IL23R: variants seen among roughly 807,000 people sequenced by gnomAD.
The protein encoded by IL23R is interleukin 23 receptor.
A neutral mutation model predicts 56.9 loss-of-function variants in IL23R; 34 were observed. That is an observed-to-expected ratio of 0.60 (90% confidence interval 0.45 to 0.80). The LOEUF is 0.80. IL23R is among the 30% of genes least tolerant of loss of function. The pLI, the probability that IL23R is intolerant of heterozygous loss-of-function variation, is 0.00. For synonymous variants in IL23R, 230 were observed against 249.2 expected, an observed-to-expected ratio of 0.92 and a Z score of 0.73; for missense variants, 635 against 730.0, an observed-to-expected ratio of 0.87 and a Z score of 1.50.
chr1:67,251,970 C>T (rs971044263), intron 9 of IL23R, among the ~76,000 whole-genome samples: 5 of 152,084 alleles, frequency 3.3e-5, no homozygotes, highest in African/African-American at 1.2e-4. Flanking sequence ...CACGTGGTTA[C>T]AAAGTCAAGC....
intron 3 of IL23R, among the ~76,000 whole-genome samples, chr1:67,178,176 G>C (rs1201404755): frequency 2.0e-5 from 3 of 151,954 alleles, no homozygotes; most frequent in African/African-American, 2.4e-5. Context: ...TAGCTTGATG[G>C]GGATGGCATT....
At chr1:67,179,655 T>C (rs10873730) in intron 3 of IL23R, among the ~76,000 whole-genome samples, 1 of 152,222 alleles carries the variant, frequency 6.6e-6, no homozygotes, top group Non-Finnish European at 1.5e-5. Flanking sequence ...TCTTGCCTTC[T>C]GCTAGCTTTT....
chr1:67,201,267 G>C (rs934497853), intron 5 of IL23R, among the ~76,000 whole-genome samples: 1 of 151,936 alleles, frequency 6.6e-6, no homozygotes, highest in East Asian at 1.9e-4. Context: ...AATTAGCCAG[G>C]CATGGTGGCG....
intron 4 of IL23R, among the ~76,000 whole-genome samples, chr1:67,186,713 G>C (rs1647363614): frequency 6.6e-6 from 1 of 152,022 alleles, no homozygotes; most frequent in Non-Finnish European, 1.5e-5. Context: ...CTGCCTCCTG[G>C]GTTCAAGTGA....
chr1:67,190,918 G>C (rs1298574692), intron 4 of IL23R, among the ~76,000 whole-genome samples: 4 of 152,166 alleles, frequency 2.6e-5, no homozygotes, highest in Admixed American at 2.0e-4. Flanking sequence ...TTAATAACCA[G>C]AAAGAGTTCT....
chr1:67,202,764 A>G (rs1558241272), intron 5 of IL23R, among the ~76,000 whole-genome samples: 3 of 152,052 alleles, frequency 2.0e-5, no homozygotes, highest in African/African-American at 7.3e-5. Context: ...TTTTAGAGAC[A>G]GAGTCTCATT....
chr1:67,200,476 T>C (rs1021283280), intron 4 of IL23R, among the ~76,000 whole-genome samples: 1 of 151,490 alleles, frequency 6.6e-6, no homozygotes, highest in African/African-American at 2.4e-5. Flanking sequence ...CACTGCAGGC[T>C]CTGCCTCCCG....
At chr1:67,241,584 G>A (rs1025138282) in intron 9 of IL23R, among the ~76,000 whole-genome samples, 4 of 152,134 alleles carry the variant, frequency 2.6e-5, no homozygotes, top group African/African-American at 9.7e-5. Context: ...CCATCATTTT[G>A]GGTTTCTGTT....
intron 6 of IL23R, 53 bp downstream of exon 6, chr1:67,207,108 A>G (rs1456193129): frequency 1.3e-5 from 21 of 1,558,780 alleles, no homozygotes; most frequent in Admixed American, 6.7e-5. Context: ...TTTAAAAGCC[A>G]ACCATCAGTG....
chr1:67,234,128 G>A lies in IL23R; in HGVS notation c.956-2585G>A, dbSNP rs790637. Among the ~76,000 whole-genome samples, 1,074 of 151,806 alleles carry A rather than the reference G, an allele frequency of 7.1e-3. 15 individuals carry two copies. The highest frequency in any genetic ancestry group is 0.025 in the African/African-American group (1,039 of 41,346). ...AAAATTTTTCTGTACTTTAATTATC[G>A]CTTTTACAGTCAAAGATGTTAAGTA... On this transcript the variant is annotated intron_variant, in intron 7 of 10. Coordinates refer to ENST00000347310, the MANE Select transcript of IL23R (RefSeq NM_144701.3).
intron 7 of IL23R, among the ~76,000 whole-genome samples, chr1:67,225,849 C>G (rs190608947): frequency 3.9e-5 from 6 of 152,266 alleles, no homozygotes; most frequent in African/African-American, 9.6e-5. Context: ...ATTCCTGAGC[C>G]CTTTGCCAAG....
At position 67,200,891 on chromosome 1, in the gene IL23R, G is replaced by A. The variant is rs779805449; in HGVS notation, c.646G>A (p.Asp216Asn). ...AAAACAACTGCAAATTCACCTGGATGATATAGGTAAAGAATAAGAAATTCT... is the reference window on the plus strand; with the variant it reads ...AAAACAACTGCAAATTCACCTGGATAATATAGGTAAAGAATAAGAAATTCT... ...ESKQLQIHLD[D>N]IVIPSAAVIS... The change falls in exon 5 of 11, where the codon GAT becomes AAT. Residue 216 changes from aspartate (D) to asparagine (N), a missense_variant. By Grantham distance (23) the Asp-to-Asn change is conservative. Transcript: ENST00000347310. 79 of 1,613,932 alleles carry A rather than the reference G, an allele frequency of 4.9e-5. No homozygotes were observed. Among genetic ancestry groups the A allele is most frequent in the Non-Finnish European group, 6.5e-5 (77 of 1,179,966 alleles).
intron 7 of IL23R, among the ~76,000 whole-genome samples, chr1:67,233,531 C>T (rs1651247902): frequency 6.6e-6 from 1 of 152,130 alleles, no homozygotes; most frequent in Non-Finnish European, 1.5e-5. Context: ...TTTGATTAAA[C>T]TAGCCTGGTG....
At position 67,225,596 on chromosome 1, in the gene IL23R, C is replaced by T. The variant is rs11807734; in HGVS notation, c.955+5866C>T. On this transcript the variant is annotated intron_variant, in intron 7 of 10. Coordinates refer to ENST00000347310, the MANE Select transcript of IL23R (RefSeq NM_144701.3). ...CACCATCTCAGATCACTGCAACCTC[C>T]GCCTCCTGGTTCAAACAATTCTCCT... Among the ~76,000 whole-genome samples, 1,105 of 151,928 alleles carry T rather than the reference C, an allele frequency of 7.3e-3. 15 individuals carry two copies. Among genetic ancestry groups the T allele is most frequent in the African/African-American group, 0.025 (1,046 of 41,432 alleles).
intron 10 of IL23R, among the ~76,000 whole-genome samples, chr1:67,257,113 A>G (rs1381131047): frequency 2.6e-5 from 4 of 152,170 alleles, no homozygotes; most frequent in African/African-American, 9.7e-5. Flanking sequence ...CTGTTTATTC[A>G]AGATCTCCTT....
intron 4 of IL23R, among the ~76,000 whole-genome samples, chr1:67,185,745 C>T (rs1647288110): frequency 6.6e-6 from 1 of 152,170 alleles, no homozygotes; most frequent in African/African-American, 2.4e-5. Flanking sequence ...AGCTACATGC[C>T]ATTGGCAAGA....
intron 6 of IL23R, among the ~76,000 whole-genome samples, chr1:67,215,086 C>T (rs964012858): frequency 1.3e-5 from 2 of 152,134 alleles, no homozygotes; most frequent in Admixed American, 1.3e-4. Flanking sequence ...GTGTTGTGAG[C>T]CCTTTAAAAG....
chr1:67,241,634 A>C (rs1221364524), intron 9 of IL23R, among the ~76,000 whole-genome samples: 1 of 152,208 alleles, frequency 6.6e-6, no homozygotes, highest in Admixed American at 6.5e-5. Flanking sequence ...CCTGATGGTC[A>C]CACATTTCTT....
intron 1 of IL23R, among the ~76,000 whole-genome samples, chr1:67,152,941 A>C (rs746374159): frequency 6.6e-6 from 1 of 152,142 alleles, no homozygotes; most frequent in Non-Finnish European, 1.5e-5. Context: ...AGGTTTTGGT[A>C]TCAGGATGAT....
Sources: allele counts gnomAD v4.1 joint callset (sites outside exome capture counted in the v4.1 genomes callset), GRCh38; gene constraint gnomAD v4.1.1; transcripts MANE v1.5; gene names NCBI Gene and HGNC (gene_info 2026-07-23, HGNC 2026-07-21).